The following SLC6A11 variants were observed in gnomAD, a reference collection of about 807,000 sequenced individuals.
SLC6A11 encodes the protein solute carrier family 6 member 11.
In SLC6A11, 25 loss-of-function variants were observed where a neutral mutation model predicts 74.8. The ratio of observed to expected loss-of-function variants is 0.33; its 90% CI spans 0.24 to 0.47. SLC6A11 has a LOEUF of 0.47. SLC6A11 is among the 20% of genes least tolerant of loss of function. The pLI is 1.00. For missense variants in SLC6A11, 574 were observed against 837.0 expected (o/e 0.69, Z 3.88); for synonymous variants, 330 against 330.2 (o/e 1.00, Z 0.01).
intron 7 of SLC6A11, among the ~76,000 whole-genome samples, chr3:10,916,957 C>T (rs1001739394): frequency 6.6e-5 from 10 of 152,170 alleles, no homozygotes; most frequent in African/African-American, 1.9e-4. Context: ...CCAAGAACAA[C>T]ATTAATGTAA....
chr3:10,876,737 G>GGCCCCCCCCCCC (rs1694911366), intron 6 of SLC6A11, among the ~76,000 whole-genome samples: 1 of 24,154 alleles, frequency 4.1e-5, no homozygotes. Context: ...TAAACGCCCC[G>GGCCCCCCCCCCC]CCCCCCCCCC....
At chr3:10,866,521 T>C (rs11929187) in intron 5 of SLC6A11, among the ~76,000 whole-genome samples, 7,879 of 152,272 alleles carry the variant, frequency 0.052, 341 homozygotes, top group African/African-American at 0.12. Context: ...AGCCCAGGGA[T>C]AGTGCCCTGA....
intron 6 of SLC6A11, among the ~76,000 whole-genome samples, chr3:10,892,597 T>G (rs1226822464): frequency 6.7e-6 from 1 of 149,110 alleles, no homozygotes; most frequent in Non-Finnish European, 1.5e-5. Flanking sequence ...CTATCAGTAA[T>G]CCCTTTTATT....
intron 7 of SLC6A11, among the ~76,000 whole-genome samples, chr3:10,913,831 C>G (rs1280255106): frequency 1.3e-5 from 2 of 152,058 alleles, no homozygotes; most frequent in Non-Finnish European, 2.9e-5. Context: ...GTTGCTGGGA[C>G]TACAGGCGCC....
At chr3:10,898,847 G>A (rs772663366) in intron 6 of SLC6A11, among the ~76,000 whole-genome samples, 6 of 151,990 alleles carry the variant, frequency 3.9e-5, no homozygotes, top group South Asian at 4.1e-4. Context: ...CCATTTTCAC[G>A]TTGCTGATAA....
At chr3:10,903,928 C>G (rs1695271630) in intron 6 of SLC6A11, among the ~76,000 whole-genome samples, 1 of 152,220 alleles carries the variant, frequency 6.6e-6, no homozygotes, top group African/African-American at 2.4e-5. Flanking sequence ...AAGCTTTCTC[C>G]CCCAAACATC....
chr3:10,890,945 A>G (rs921871371), intron 6 of SLC6A11, among the ~76,000 whole-genome samples: 2 of 152,220 alleles, frequency 1.3e-5, no homozygotes, highest in African/African-American at 4.8e-5. Context: ...GTGTGTAATC[A>G]TACCCATATC....
At chr3:10,846,593 G>A (rs1358192000) in intron 5 of SLC6A11, among the ~76,000 whole-genome samples, 1 of 152,232 alleles carries the variant, frequency 6.6e-6, no homozygotes, top group African/African-American at 2.4e-5. Flanking sequence ...TGCTGACTGG[G>A]CGATTAAGTC....
At chr3:10,864,394 C>T (rs935725812) in intron 5 of SLC6A11, among the ~76,000 whole-genome samples, 2 of 151,670 alleles carry the variant, frequency 1.3e-5, no homozygotes, top group Non-Finnish European at 2.9e-5. Flanking sequence ...AACTTTCCCC[C>T]CAGTAACTGC....
chr3:10,905,436 C>G (rs1486375692), intron 6 of SLC6A11, among the ~76,000 whole-genome samples: 1 of 152,216 alleles, frequency 6.6e-6, no homozygotes, highest in Non-Finnish European at 1.5e-5. Context: ...AGGAAAAACA[C>G]TTAATATCAC....
chr3:10,884,740 A>C (rs1695022746), intron 6 of SLC6A11, among the ~76,000 whole-genome samples: 1 of 152,022 alleles, frequency 6.6e-6, no homozygotes, highest in Non-Finnish European at 1.5e-5. Flanking sequence ...GGCAGCTTTA[A>C]TCTCCATTCA....
intron 4 of SLC6A11, among the ~76,000 whole-genome samples, chr3:10,843,543 C>G (rs1168710952): frequency 6.6e-6 from 1 of 152,182 alleles, no homozygotes; most frequent in East Asian, 1.9e-4. Context: ...TCTCCCTGAC[C>G]CCCTGTAGCA....
At chr3:10,864,296 G>A (rs566131095) in intron 5 of SLC6A11, among the ~76,000 whole-genome samples, 5 of 151,536 alleles carry the variant, frequency 3.3e-5, no homozygotes, top group East Asian at 4.0e-4. Context: ...CCCCAGCCCC[G>A]ATGATGCCTG....
At chr3:10,923,051 A>T (rs191204451) in intron 8 of SLC6A11, among the ~76,000 whole-genome samples, 11 of 152,278 alleles carry the variant, frequency 7.2e-5, no homozygotes, top group Middle Eastern at 3.4e-3. Context: ...TTTTATTGGA[A>T]TTGGAAGTAT....
Position 10,816,246 on chromosome 3 carries a change from A to G in SLC6A11, c.-20A>G. The G allele has an allele frequency of 1.5e-6, 2 of 1,303,484 alleles. No individual in the cohort carries two copies. Among genetic ancestry groups the G allele is most frequent in the Non-Finnish European group, 1.9e-6 (2 of 1,029,360 alleles). 80.7% of individuals were successfully genotyped at this position (1,303,484 alleles called of 1,614,324 possible). On this transcript the variant is annotated 5_prime_UTR_variant, in exon 1 of 14. Transcript: ENST00000254488. This position sits in a 1 kb window ranked among gnomAD's most constrained non-coding sequence, Gnocchi z 4.2. ...CGGCGGCGCAGAGCCGGGCCGGCGC[A>G]CGAGGCAGCCAGCGCGGCCATGACG...
intron 6 of SLC6A11, among the ~76,000 whole-genome samples, chr3:10,880,879 C>T (rs1694967545): frequency 6.6e-6 from 1 of 152,130 alleles, no homozygotes; most frequent in Non-Finnish European, 1.5e-5. Context: ...AGCTACTCAG[C>T]ATGTAGAATG....
At chr3:10,845,399 G>C (rs1257006919) in intron 5 of SLC6A11, among the ~76,000 whole-genome samples, 1 of 152,130 alleles carries the variant, frequency 6.6e-6, no homozygotes, top group East Asian at 1.9e-4. Flanking sequence ...CGAAAAAGAG[G>C]GAAATGAAGC....
At chr3:10,850,060 T>C (rs1413449241) in intron 5 of SLC6A11, among the ~76,000 whole-genome samples, 1 of 152,152 alleles carries the variant, frequency 6.6e-6, no homozygotes, top group Non-Finnish European at 1.5e-5. Context: ...ATGTGACCCA[T>C]AAAACCTAAT....
At chr3:10,831,521 T>C (rs1694297389) in intron 4 of SLC6A11, among the ~76,000 whole-genome samples, 1 of 152,320 alleles carries the variant, frequency 6.6e-6, no homozygotes, top group East Asian at 1.9e-4. Context: ...GTAATATATG[T>C]GTTGTATATG....
Sources: gnomAD v4.1 joint callset for allele counts (sites outside exome capture counted in the v4.1 genomes callset) on GRCh38, gnomAD v4.1.1 for gene constraint, Gnocchi (gnomAD v3.1) non-coding constraint, MANE v1.5 for transcripts, NCBI Gene and HGNC (gene_info 2026-07-23, HGNC 2026-07-21) for gene names.